Variants in TBKBP1 observed in about 807,000 individuals in gnomAD.
The protein encoded by TBKBP1 is TANK-binding kinase 1-binding protein 1.
In TBKBP1, 47 loss-of-function variants were observed where a neutral mutation model predicts 69.9. The observed-to-expected ratio is 0.67, with a 90% CI of 0.53 to 0.86. The LOEUF is 0.86. TBKBP1 is among the 40% of genes least tolerant of loss of function. The probability of loss-of-function intolerance (pLI) is 0.00; values close to 1 mark genes in which losing one functional copy is unlikely to be tolerated. For missense variants in TBKBP1, 831 were observed against 858.6 expected (o/e 0.97, Z 0.40); for synonymous variants, 418 against 390.3 (o/e 1.07, Z -0.84).
intron 7 of TBKBP1, among the ~76,000 whole-genome samples, chr17:47,703,603 C>T (rs1185439793): frequency 1.3e-5 from 2 of 152,196 alleles, no homozygotes; most frequent in East Asian, 1.9e-4. Context: ...GGGAGCAGCT[C>T]ATGCCAGCGC....
At chr17:47,694,953 C>T (rs963603004) in intron 1 of TBKBP1, among the ~76,000 whole-genome samples, 7 of 151,936 alleles carry the variant, frequency 4.6e-5, no homozygotes. Flanking sequence ...TCCTGCAGCC[C>T]GACCTGGGGG....
At position 47,709,197 on chromosome 17, in the gene TBKBP1, G is replaced by A. The variant is rs544410447; in HGVS notation, c.1464G>A (p.Lys488=). Residue 488 remains lysine, a synonymous_variant, in exon 9 of 10, where the codon AAG becomes AAA. Coordinates refer to ENST00000578982, the MANE Select transcript of TBKBP1 (RefSeq NM_001394755.1). ...WLQAEAATLP[K]PRAYGSELYG... ...AGGCCGAAGCGGCCACTCTCCCCAA[G>A]CCCCGGGCCTACGGCAGCGAGCTCT... is the stretch of plus-strand genomic sequence containing the variant. 29 of 1,509,988 alleles carry A rather than the reference G, an allele frequency of 1.9e-5. No individual in the cohort carries two copies. In the East Asian group the frequency reaches 7.7e-4, roughly 40 times the overall value. 93.5% of individuals were successfully genotyped at this position (1,509,988 alleles called of 1,614,324 possible).
chr17:47,708,425 A>ACGGAGGAGCTGGGCCGGCTT lies in TBKBP1; in HGVS notation c.908_927dup (p.Glu310ArgfsTer9). ...TTTGGCGCTGGCCTACACCGAGCTG[A>ACGGAGGAGCTGGGCCGGCTT]CGGAGGAGCTGGGCCGGCTTCGGGA... On this transcript the variant is annotated frameshift_variant, in exon 8 of 10. Coordinates refer to ENST00000578982, the MANE Select transcript of TBKBP1 (RefSeq NM_001394755.1). LOFTEE classifies it high-confidence loss of function. The surrounding 1 kb of genome is among the most constrained non-coding windows in gnomAD (Gnocchi z 4.4). 1 of 1,613,838 alleles carries ACGGAGGAGCTGGGCCGGCTT rather than the reference A, an allele frequency of 6.2e-7. No homozygotes were observed. The highest frequency in any genetic ancestry group is 8.5e-7 in the Non-Finnish European group (1 of 1,179,818).
chr17:47,711,694 T>TC lies in TBKBP1; in HGVS notation c.*1072dup, dbSNP rs1047834794. 1 of 152,076 alleles carries TC rather than the reference T, an allele frequency of 6.6e-6. No individual in the cohort carries two copies. The highest frequency in any genetic ancestry group is 1.9e-4 in the East Asian group (1 of 5,140). The allele number at this position is 152,076 out of a possible 1,614,324, so 9.4% of individuals were successfully genotyped here. A position where few individuals can be genotyped will look rare whatever the true frequency, so the allele number is the denominator to read the frequency against. On this transcript the variant is annotated 3_prime_UTR_variant, in exon 10 of 10. Coordinates refer to ENST00000578982, the MANE Select transcript of TBKBP1 (RefSeq NM_001394755.1). Reference sequence around the variant, plus strand: ...GACGGGTAAGCAGGAGGCCAGGGGGTCCCCAGGGCTGAGGTGGGGAGCCTT... The same window carrying TC: ...GACGGGTAAGCAGGAGGCCAGGGGGTCCCCCAGGGCTGAGGTGGGGAGCCTT...
chr17:47,710,742 C>T lies in TBKBP1; in HGVS notation c.*116C>T. On this transcript the variant is annotated 3_prime_UTR_variant, in exon 10 of 10. Transcript: ENST00000578982. ...CCCTGCCCTTGCGACCCCCAGATAC[C>T]TCCACTTGCTACCGAGTCAACGTGT... The T allele has an allele frequency of 7.2e-7, 1 of 1,396,730 alleles. No homozygotes were observed. Among genetic ancestry groups the T allele is most frequent in the Non-Finnish European group, 9.7e-7 (1 of 1,026,812 alleles). The allele number at this position is 1,396,730 out of a possible 1,614,324, so 86.5% of individuals were successfully genotyped here. A position where few individuals can be genotyped will look rare whatever the true frequency, so the allele number is the denominator to read the frequency against.
Position 47,694,889 on chromosome 17 carries a change from G to GC in TBKBP1, c.-35+695_-35+696insC, listed in dbSNP as rs1491529936. Among the ~76,000 whole-genome samples, 22 of 1,148 alleles carry GC rather than the reference G, an allele frequency of 0.019. No individual in the cohort carries two copies. In the East Asian group the frequency reaches 0.45, roughly 23 times the overall value. 0.8% of individuals were successfully genotyped at this position (1,148 alleles called of 152,430 possible). Reference sequence around the variant, plus strand: ...CTTAGATGGGCCTGTGGGTGGCGGAGGGGGGGGGGTGGATTGAATTGGAGC... The same window carrying GC: ...CTTAGATGGGCCTGTGGGTGGCGGAGCGGGGGGGGGTGGATTGAATTGGAGC... On this transcript the variant is annotated intron_variant, in intron 1 of 9. Transcript: ENST00000578982.
intron 7 of TBKBP1, among the ~76,000 whole-genome samples, chr17:47,703,596 A>C (rs534009048): frequency 3.7e-4 from 57 of 152,190 alleles, no homozygotes; most frequent in African/African-American, 1.3e-3. Context: ...CAGGGTGGGG[A>C]GCAGCTCATG....
chr17:47,697,916 TCCAGCCTGGGTGACATAG>T (rs1318220171), intron 4 of TBKBP1, among the ~76,000 whole-genome samples: 1 of 123,870 alleles, frequency 8.1e-6, no homozygotes, highest in East Asian at 2.5e-4. Context: ...GCCACTGCAC[TCCAGCCTGGGTGACATAG>T]CCAGACCCTG....
At chr17:47,698,347 CTGAG>C (rs1293354092) in intron 4 of TBKBP1, among the ~76,000 whole-genome samples, 3 of 152,170 alleles carry the variant, frequency 2.0e-5, no homozygotes, top group African/African-American at 7.2e-5. Context: ...AAACAGGGGG[CTGAG>C]TGTTCTTTTA....
chr17:47,699,824 CTTT>C (rs373996808), intron 7 of TBKBP1, 127 bp downstream of exon 7: 1,937 of 770,320 alleles, frequency 2.5e-3, no homozygotes, highest in Middle Eastern at 2.9e-3. Context: ...AGGTGGGGTT[CTTT>C]TTTTTTTTTT....
chr17:47,695,313 C>G (rs1258628264), intron 1 of TBKBP1: 4 of 152,488 alleles, frequency 2.6e-5, no homozygotes, highest in African/African-American at 7.2e-5. Flanking sequence ...CTTTCGGGAG[C>G]CTGAGTCATT....
rs1421765425 is a variant in TBKBP1 at position 47,709,026 on chromosome 17, G to A, written c.1293G>A (p.Pro431=). Residue 431 remains proline, a synonymous_variant, in exon 9 of 10, where the codon CCG becomes CCA. Coordinates refer to ENST00000578982, the MANE Select transcript of TBKBP1 (RefSeq NM_001394755.1). The part of the protein sequence containing the change: ...CPAPQPRPPP[P]PPPGERTLAE... ...CCCCGCAGCCCCGGCCACCGCCGCC[G>A]CCCCCGCCGGGCGAGAGGACGCTGG... 2.4e-6 allele frequency: 3 copies of A among 1,226,244 alleles called. No individual in the cohort carries two copies. Among genetic ancestry groups the A allele is most frequent in the South Asian group, 2.3e-5 (1 of 43,096 alleles). 76.0% of individuals were successfully genotyped at this position (1,226,244 alleles called of 1,614,324 possible). A position where few individuals can be genotyped will look rare whatever the true frequency, so the allele number is the denominator to read the frequency against.
chr17:47,695,923 T>A, intron 1 of TBKBP1, 156 bp from the exon 2 acceptor site: 1 of 552,438 alleles, frequency 1.8e-6, no homozygotes, highest in East Asian at 2.9e-5. Flanking sequence ...GGCTGAGGAG[T>A]CTGGGAAGGG....
chr17:47,699,331 G>A lies in TBKBP1; in HGVS notation c.646G>A (p.Gly216Ser), dbSNP rs775963127. The A allele has an allele frequency of 3.3e-6, 5 of 1,529,220 alleles. No individual in the cohort carries two copies. The South Asian group carries it at 5.1e-5, about 16-fold the overall frequency. 94.7% of individuals were successfully genotyped at this position (1,529,220 alleles called of 1,614,324 possible). A position where few individuals can be genotyped will look rare whatever the true frequency, so the allele number is the denominator to read the frequency against. Residue 216 changes from glycine (G) to serine (S), a missense_variant, in exon 6 of 10, where the codon GGC becomes AGC. By Grantham distance (56) the Gly-to-Ser change is moderately conservative. Coordinates refer to ENST00000578982, the MANE Select transcript of TBKBP1 (RefSeq NM_001394755.1). ...GSGLSHAGWPGSTPSVSDLER... is the reference protein window; with the variant it reads ...GSGLSHAGWPSSTPSVSDLER... ...CTGTCCACCGACAGCAGGCTGGCCGGGCTCCACACCCAGTGTGAGTGACCT... is the reference window on the plus strand; with the variant it reads ...CTGTCCACCGACAGCAGGCTGGCCGAGCTCCACACCCAGTGTGAGTGACCT...
chr17:47,695,551 T>G, intron 1 of TBKBP1: 1 of 153,030 alleles, frequency 6.5e-6, no homozygotes, highest in Non-Finnish European at 1.5e-5. Context: ...AACTCTGGGA[T>G]CCTGCGGGAG....
At chr17:47,710,276 T>C (rs2143373878) in intron 9 of TBKBP1, among the ~76,000 whole-genome samples, 1 of 152,304 alleles carries the variant, frequency 6.6e-6, no homozygotes. Flanking sequence ...CTGGCAAGCT[T>C]AGCAGTGACT....
At position 47,708,565 on chromosome 17, in the gene TBKBP1, G is replaced by T. The variant is rs571407799; in HGVS notation, c.991+53G>T. On this transcript the variant is annotated intron_variant, in intron 8 of 9. Transcript: ENST00000578982. The surrounding 1 kb of genome is among the most constrained non-coding windows in gnomAD (Gnocchi z 4.4). ...AGCCGCGGGACCCGGGAAGGAGCGG[G>T]TAGCCATGGCAACCATCTTGGTCAT... 3.1e-6 allele frequency: 5 copies of T among 1,590,288 alleles called. No homozygotes were observed. The highest frequency in any genetic ancestry group is 1.3e-5 in the African/African-American group (1 of 74,542).
rs1049278060 is a variant in TBKBP1 at position 47,708,936 on chromosome 17, G to A, written c.1203G>A (p.Pro401=). 71 of 1,262,612 alleles carry A rather than the reference G, an allele frequency of 5.6e-5. 1 individual carries two copies. In the African/African-American group the frequency reaches 1.1e-3, roughly 20 times the overall value. 78.2% of individuals were successfully genotyped at this position (1,262,612 alleles called of 1,614,324 possible). The part of the protein sequence containing the change: ...CPSPVPQRRS[P]VPPSCQSPSP... ...CGCCCGTCCCGCAGCGCCGCTCGCC[G>A]GTGCCGCCGTCGTGCCAGTCCCCCA... The change falls in exon 9 of 10, where the codon CCG becomes CCA. Residue 401 remains proline (P), a synonymous_variant. Transcript: ENST00000578982. The surrounding 1 kb of genome is among the most constrained non-coding windows in gnomAD (Gnocchi z 4.4).
intron 7 of TBKBP1, among the ~76,000 whole-genome samples, chr17:47,702,679 G>A (rs2031550814): frequency 1.3e-5 from 2 of 152,124 alleles, no homozygotes; most frequent in African/African-American, 2.4e-5. Context: ...GACCCCCTGG[G>A]AAACCCATGG....
Sources: gnomAD v4.1 joint callset for allele counts (sites outside exome capture counted in the v4.1 genomes callset) on GRCh38, gnomAD v4.1.1 for gene constraint, Gnocchi (gnomAD v3.1) non-coding constraint, MANE v1.5 for transcripts, NCBI Gene and HGNC (gene_info 2026-07-23, HGNC 2026-07-21) for gene names.